TSHR: variants seen among roughly 807,000 people sequenced by gnomAD.
TSHR encodes thyrotropin receptor.
Under a neutral mutation model 64.1 loss-of-function variants are expected in TSHR, and 51 were observed. The observed-to-expected ratio is 0.80, with a 90% confidence interval of 0.64 to 1.01. The LOEUF (loss-of-function observed/expected upper bound fraction) is 1.01, where lower values mean the gene tolerates loss of function less well. Among genes scored for constraint, TSHR ranks in the 50% least tolerant of loss-of-function variants. The probability of loss-of-function intolerance (pLI) is 0.00; values close to 1 mark genes in which losing one functional copy is unlikely to be tolerated. For synonymous variants in TSHR, 361 were observed against 361.9 expected, an observed-to-expected ratio of 1.00 and a Z score of 0.03; for missense variants, 877 against 942.8, an observed-to-expected ratio of 0.93 and a Z score of 0.91.
At chr14:80,990,704 G>C (rs1888684148) in intron 1 of TSHR, among the ~76,000 whole-genome samples, 1 of 152,026 alleles carries the variant, frequency 6.6e-6, no homozygotes, top group African/African-American at 2.4e-5. Flanking sequence ...GCCCAGGCTG[G>C]AGCGCAATGG....
chr14:81,129,992 C>T (rs1250437458), intron 8 of TSHR, among the ~76,000 whole-genome samples: 2 of 152,134 alleles, frequency 1.3e-5, no homozygotes, highest in Non-Finnish European at 2.9e-5. Context: ...GATTAAAAGA[C>T]ACCTAAAAGA....
At chr14:81,036,900 TG>T (rs1174573367) in intron 1 of TSHR, among the ~76,000 whole-genome samples, 1 of 152,092 alleles carries the variant, frequency 6.6e-6, no homozygotes, top group African/African-American at 2.4e-5. Flanking sequence ...CCCAACACTT[TG>T]GGAGGCCGAG....
rs1479604116 is a variant in TSHR at position 81,114,381 on chromosome 14, C to T, written c.692+5929C>T. 4.6e-5 allele frequency among the ~76,000 whole-genome samples: 7 copies of T among 152,214 alleles called. 1 individual carries two copies. Among genetic ancestry groups the T allele is most frequent in the African/African-American group, 1.4e-4 (6 of 41,452 alleles). On this transcript the variant is annotated intron_variant, in intron 8 of 9. Transcript: ENST00000298171. ...GCCTCACTCCAGAAGCGCAAGCGGT[C>T]AGGGAGTTCCCTTTCCTAGTCAAAG...
chr14:81,142,659 A>G (rs1293339169), intron 9 of TSHR, among the ~76,000 whole-genome samples: 1 of 142,802 alleles, frequency 7.0e-6, no homozygotes, highest in Non-Finnish European at 1.5e-5. Flanking sequence ...TCCAGGCTAG[A>G]GTATAGTGGC....
intron 1 of TSHR, chr14:80,959,513 C>T (rs1886906430): frequency 6.6e-6 from 1 of 152,156 alleles, no homozygotes; most frequent in African/African-American, 2.4e-5. Flanking sequence ...ATTTGACAAC[C>T]ATTCTGCACC....
intron 3 of TSHR, among the ~76,000 whole-genome samples, chr14:81,080,626 C>T (rs1203053061): frequency 6.6e-6 from 1 of 151,922 alleles, no homozygotes; most frequent in African/African-American, 2.4e-5. Flanking sequence ...ATGAATATTG[C>T]CTTTTGGTTA....
At chr14:81,045,585 C>G (rs896183873) in intron 1 of TSHR, among the ~76,000 whole-genome samples, 1 of 152,110 alleles carries the variant, frequency 6.6e-6, no homozygotes, top group African/African-American at 2.4e-5. Context: ...ATCGTTCCCC[C>G]TCACGTGTCC....
chr14:81,006,506 C>T (rs779018455), intron 1 of TSHR, among the ~76,000 whole-genome samples: 1 of 151,934 alleles, frequency 6.6e-6, no homozygotes, highest in Non-Finnish European at 1.5e-5. Context: ...GGCCCTATTT[C>T]CAAATATAGT....
At position 81,103,012 on chromosome 14, in the gene TSHR, C is replaced by G. The variant is rs545713655; in HGVS notation, c.615-5363C>G. 1 of 985,246 alleles carries G rather than the reference C, an allele frequency of 1.0e-6. No homozygotes were observed. Among genetic ancestry groups the G allele is most frequent in the African/African-American group, 1.7e-5 (1 of 57,216 alleles). The allele number at this position is 985,246 out of a possible 1,614,324, so 61.0% of individuals were successfully genotyped here. On this transcript the variant is annotated intron_variant, in intron 7 of 9. Coordinates refer to ENST00000298171, the MANE Select transcript of TSHR (RefSeq NM_000369.5). This position sits in a 1 kb window ranked among gnomAD's most constrained non-coding sequence, Gnocchi z 4.1. ...CCATCATTCTACCCTAAGTTTCTGACTCCTAGTCAATAGAAATTTATTCTT... is the reference window on the plus strand; with the variant it reads ...CCATCATTCTACCCTAAGTTTCTGAGTCCTAGTCAATAGAAATTTATTCTT...
chr14:80,997,400 A>G (rs1889079994), intron 1 of TSHR, among the ~76,000 whole-genome samples: 1 of 152,194 alleles, frequency 6.6e-6, no homozygotes, highest in Admixed American at 6.5e-5. Flanking sequence ...ATTTTTAAAA[A>G]ACAAGCAATT....
chr14:80,965,777 T>C (rs1284512784), intron 1 of TSHR, among the ~76,000 whole-genome samples: 1 of 152,210 alleles, frequency 6.6e-6, no homozygotes, highest in African/African-American at 2.4e-5. Flanking sequence ...TTTAGGGTAT[T>C]CCAGAAATTT....
At chr14:81,086,926 G>A (rs1185471586) in intron 3 of TSHR, among the ~76,000 whole-genome samples, 2 of 152,238 alleles carry the variant, frequency 1.3e-5, no homozygotes, top group Admixed American at 1.3e-4. Flanking sequence ...AAAGGAGCAA[G>A]TGGAGACTAA....
intron 1 of TSHR, among the ~76,000 whole-genome samples, chr14:80,988,962 C>T (rs36093037): frequency 0.094 from 14,314 of 152,190 alleles, 962 homozygotes; most frequent in South Asian, 0.22. Context: ...ATATCACTTG[C>T]GCCAACATCT....
At chr14:80,969,095 A>C (rs1364285506) in intron 1 of TSHR, among the ~76,000 whole-genome samples, 7 of 152,204 alleles carry the variant, frequency 4.6e-5, no homozygotes, top group African/African-American at 1.7e-4. Context: ...CATAGAACAC[A>C]ATAGCATATG....
At chr14:81,029,276 C>A (rs1884227487) in intron 1 of TSHR, among the ~76,000 whole-genome samples, 1 of 151,950 alleles carries the variant, frequency 6.6e-6, no homozygotes, top group Non-Finnish European at 1.5e-5. Context: ...ATTATGAGGA[C>A]ATATTTTCCC....
intron 3 of TSHR, among the ~76,000 whole-genome samples, chr14:81,075,893 C>G (rs1036650594): frequency 3.9e-4 from 59 of 152,120 alleles, no homozygotes; most frequent in South Asian, 4.2e-4. Flanking sequence ...TTGGAACCAA[C>G]CCAAATGTCC....
chr14:81,017,199 G>A (rs2054305500), intron 1 of TSHR, among the ~76,000 whole-genome samples: 2 of 152,150 alleles, frequency 1.3e-5, no homozygotes, highest in Admixed American at 1.3e-4. Context: ...TGGGTTTAAG[G>A]GCACTTGGGG....
chr14:81,138,458 G>A (rs1352454017), intron 8 of TSHR, among the ~76,000 whole-genome samples: 1 of 152,002 alleles, frequency 6.6e-6, no homozygotes, highest in African/African-American at 2.4e-5. Context: ...CAAAGTGCTG[G>A]GATTACAGGC....
chr14:81,130,842 T>G (rs1336452143), intron 8 of TSHR, among the ~76,000 whole-genome samples: 2 of 127,912 alleles, frequency 1.6e-5, no homozygotes, highest in African/African-American at 3.8e-5. Flanking sequence ...ATACAAAAAA[T>G]TAGCCGGGCG....
Sources: gnomAD v4.1 joint callset for allele counts (sites outside exome capture counted in the v4.1 genomes callset) on GRCh38, gnomAD v4.1.1 for gene constraint, Gnocchi (gnomAD v3.1) non-coding constraint, MANE v1.5 for transcripts, NCBI Gene and HGNC (gene_info 2026-07-23, HGNC 2026-07-21) for gene names.